Variants in TTC39C observed in about 807,000 individuals in gnomAD.
TTC39C encodes tetratricopeptide repeat domain 39C, also known as tetratricopeptide repeat protein 39C.
TTC39C carries 33 observed loss-of-function variants against 76.3 expected under a neutral mutation model. The ratio of observed to expected loss-of-function variants is 0.43; its 90% CI spans 0.33 to 0.58. The LOEUF (loss-of-function observed/expected upper bound fraction) is 0.58. Among genes scored for constraint, TTC39C ranks in the 20% least tolerant of loss-of-function variants. The pLI is 0.04. For synonymous variants in TTC39C, 254 were observed against 260.6 expected (o/e 0.97, Z 0.24); for missense variants, 595 against 701.4 (o/e 0.85, Z 1.71).
intron 4 of TTC39C, among the ~76,000 whole-genome samples, chr18:24,075,568 C>T (rs1296331126): frequency 6.6e-6 from 1 of 151,492 alleles, no homozygotes; most frequent in Non-Finnish European, 1.5e-5. Flanking sequence ...CCTGTAGTCC[C>T]AGCTACTCAG....
At chr18:24,085,260 G>A (rs1994419) in intron 6 of TTC39C, among the ~76,000 whole-genome samples, 114,737 of 152,092 alleles carry the variant, frequency 0.75, 45,815 homozygotes, top group Non-Finnish European at 0.89. Context: ...GGGCAGTGAG[G>A]CCCCTTAGCT....
chr18:24,067,269 CTT>C lies in TTC39C; in HGVS notation c.345+1133_345+1134del, dbSNP rs532472394. Among the ~76,000 whole-genome samples the C allele has an allele frequency of 9.7e-3, 1,478 of 152,332 alleles. 13 individuals are homozygous for C. Among genetic ancestry groups the C allele is most frequent in the Middle Eastern group, 0.031 (9 of 294 alleles). The stretch of plus-strand genomic sequence containing the variant: ...AATCAATGACCAAGTGCTGTTGACT[CTT>C]TTTCTTAATACCTCTTGAATTCATC... On this transcript the variant is annotated intron_variant, in intron 3 of 13. Transcript: ENST00000317571.
chr18:24,111,337 G>A (rs1199634373), intron 6 of TTC39C, among the ~76,000 whole-genome samples: 1 of 152,128 alleles, frequency 6.6e-6, no homozygotes, highest in Non-Finnish European at 1.5e-5. Flanking sequence ...TTGTGAGGCT[G>A]AGGTGGGTGG....
At chr18:24,102,418 C>T (rs1040890816) in intron 6 of TTC39C, among the ~76,000 whole-genome samples, 4 of 152,284 alleles carry the variant, frequency 2.6e-5, no homozygotes, top group African/African-American at 4.8e-5. Flanking sequence ...GAAAGGTCTT[C>T]TGAGGATGAA....
At chr18:24,123,742 C>CT (rs58104245) in intron 8 of TTC39C, 92 bp from the exon 9 acceptor site, 82,195 of 714,132 alleles carry the variant, frequency 0.12, 3,518 homozygotes, top group African/African-American at 0.38. Flanking sequence ...TTTGCTCCTG[C>CT]TTTTTTTTTT....
At chr18:24,069,327 A>G (rs921809446) in intron 4 of TTC39C, 56 bp downstream of exon 4, 1 of 1,438,864 alleles carries the variant, frequency 6.9e-7, no homozygotes, top group Admixed American at 1.7e-5. Context: ...ACAATTAGTA[A>G]TATGCTTTTT....
At chr18:24,124,581 A>G (rs2085022838) in intron 9 of TTC39C, among the ~76,000 whole-genome samples, 1 of 152,190 alleles carries the variant, frequency 6.6e-6, no homozygotes, top group South Asian at 2.1e-4. Flanking sequence ...ATGTTGCCGT[A>G]TTACCTTGAG....
At chr18:24,074,069 G>A (rs1056375761) in intron 4 of TTC39C, among the ~76,000 whole-genome samples, 1 of 152,186 alleles carries the variant, frequency 6.6e-6, no homozygotes, top group African/African-American at 2.4e-5. Context: ...TGCACTTCAT[G>A]CCCTGGGAGA....
intron 1 of TTC39C, among the ~76,000 whole-genome samples, chr18:24,063,709 T>C (rs1216141946): frequency 2.0e-5 from 3 of 152,042 alleles, no homozygotes; most frequent in Non-Finnish European, 4.4e-5. Context: ...AGATGGGGTT[T>C]TGTCATGTTG....
chr18:24,089,407 C>T (rs761662861), intron 6 of TTC39C, among the ~76,000 whole-genome samples: 22 of 152,178 alleles, frequency 1.4e-4, no homozygotes, highest in Non-Finnish European at 2.5e-4. Context: ...CTGCATCCTA[C>T]GTGGTTCTGT....
chr18:24,057,522 T>TCGTCATTAGAAGTCA lies in TTC39C; in HGVS notation c.168-6618_168-6617insCGTCATTAGAAGTCA, dbSNP rs58768924. On this transcript the variant is annotated intron_variant, in intron 1 of 13. Coordinates refer to ENST00000317571, the MANE Select transcript of TTC39C (RefSeq NM_001135993.2). Reference sequence around the variant, plus strand: ...ACTGTTCAGACTAGAACATTAGAAGTGAATAGTGGTTTTGGATTTCATATA... The same window carrying TCGTCATTAGAAGTCA: ...ACTGTTCAGACTAGAACATTAGAAGTCGTCATTAGAAGTCAGAATAGTGGTTTTGGATTTCATATA... 6.8e-3 allele frequency among the ~76,000 whole-genome samples: 1,042 copies of TCGTCATTAGAAGTCA among 152,242 alleles called. 6 individuals carry two copies. Among genetic ancestry groups the TCGTCATTAGAAGTCA allele is most frequent in the African/African-American group, 0.023 (943 of 41,526 alleles).
intron 8 of TTC39C, among the ~76,000 whole-genome samples, chr18:24,119,224 G>T (rs57644285): frequency 0.015 from 2,262 of 152,310 alleles, 73 homozygotes; most frequent in African/African-American, 0.052. Context: ...AAGGCCACGT[G>T]ATTCAGAGTT....
chr18:24,075,939 G>T (rs554591721), intron 4 of TTC39C, among the ~76,000 whole-genome samples: 52 of 152,168 alleles, frequency 3.4e-4, no homozygotes, highest in Non-Finnish European at 7.2e-4. Context: ...CCCGTATGGG[G>T]CAGGGTTTCC....
chr18:24,091,907 A>T (rs1373498589), intron 6 of TTC39C, among the ~76,000 whole-genome samples: 1 of 151,438 alleles, frequency 6.6e-6, no homozygotes, highest in African/African-American at 2.4e-5. Flanking sequence ...GGCTAACATG[A>T]TGAAACCCTG....
chr18:24,022,484 TG>T, intron 1 of TTC39C: 1 of 881,304 alleles, frequency 1.1e-6, no homozygotes, highest in Non-Finnish European at 1.4e-6. Flanking sequence ...GGGTTGAAAC[TG>T]GGCTGCATGG....
At chr18:24,125,676 C>T in intron 10 of TTC39C, 126 bp downstream of exon 10, 2 of 1,273,366 alleles carry the variant, frequency 1.6e-6, no homozygotes, top group Non-Finnish European at 1.1e-6. Flanking sequence ...GTACACATCT[C>T]TCCTTAGATA....
In TTC39C at chr18:24,133,868, G is replaced by A. The variant is rs573278783; in HGVS notation, c.*1294G>A. On this transcript the variant is annotated 3_prime_UTR_variant, in exon 14 of 14. Transcript: ENST00000317571. ...CTAAAGGATATCATTTTAGGGTATCGTTTATTTACAAATTCTTTTGGCTGA... is the reference window on the plus strand; with the variant it reads ...CTAAAGGATATCATTTTAGGGTATCATTTATTTACAAATTCTTTTGGCTGA... 9.9e-5 allele frequency: 15 copies of A among 151,886 alleles called. No individual in the cohort carries two copies. Among genetic ancestry groups the A allele is most frequent in the South Asian group, 2.1e-4 (1 of 4,820 alleles). The allele number at this position is 151,886 out of a possible 1,614,324, so 9.4% of individuals were successfully genotyped here. A position where few individuals can be genotyped will look rare whatever the true frequency, so the allele number is the denominator to read the frequency against.
chr18:24,053,681 G>A (rs1394248436), intron 1 of TTC39C, among the ~76,000 whole-genome samples: 1 of 152,186 alleles, frequency 6.6e-6, no homozygotes, highest in African/African-American at 2.4e-5. Context: ...TTGAGATATA[G>A]AACAGTAAAA....
intron 4 of TTC39C, among the ~76,000 whole-genome samples, chr18:24,075,156 G>T (rs1035276206): frequency 6.6e-6 from 1 of 152,034 alleles, no homozygotes; most frequent in Admixed American, 6.6e-5. Flanking sequence ...GTCGTGGGGT[G>T]GGGGGAGTGG....
Sources: allele counts gnomAD v4.1 joint callset (sites outside exome capture counted in the v4.1 genomes callset), GRCh38; gene constraint gnomAD v4.1.1; transcripts MANE v1.5; gene names NCBI Gene and HGNC (gene_info 2026-07-23, HGNC 2026-07-21).